Variants in CFAP299 observed in about 807,000 individuals in gnomAD.
CFAP299 encodes cilia and flagella associated protein 299.
CFAP299 carries 21 observed loss-of-function variants against 27.0 expected under a neutral mutation model. The observed-to-expected ratio is 0.78, with a 90% CI of 0.55 to 1.12. CFAP299 has a LOEUF of 1.12. Ranked by LOEUF, CFAP299 falls within the 50% of genes most tolerant of loss-of-function variation. The pLI, the probability that CFAP299 is intolerant of heterozygous loss-of-function variation, is 0.00. For synonymous variants in CFAP299, 104 were observed against 98.1 expected, an observed-to-expected ratio of 1.06 and a Z score of -0.36; for missense variants, 310 against 276.6, an observed-to-expected ratio of 1.12 and a Z score of -0.86.
intron 3 of CFAP299, among the ~76,000 whole-genome samples, chr4:80,586,349 T>A (rs1736438917): frequency 6.6e-6 from 1 of 152,122 alleles, no homozygotes; most frequent in South Asian, 2.1e-4. Context: ...TTGCTGCTAG[T>A]CTTTAAGGAA....
intron 2 of CFAP299, among the ~76,000 whole-genome samples, chr4:80,572,711 G>T (rs1002599065): frequency 1.3e-5 from 2 of 151,508 alleles, no homozygotes; most frequent in African/African-American, 2.4e-5. Flanking sequence ...CAGAGATGGG[G>T]TTTCACCATG....
At chr4:80,945,656 T>A (rs1737435019) in intron 5 of CFAP299, among the ~76,000 whole-genome samples, 1 of 152,108 alleles carries the variant, frequency 6.6e-6, no homozygotes, top group South Asian at 2.1e-4. Context: ...CATGAAAGTG[T>A]CAGTCTAAAA....
intron 3 of CFAP299, among the ~76,000 whole-genome samples, chr4:80,639,001 G>C (rs528156110): frequency 4.6e-4 from 70 of 152,238 alleles, no homozygotes; most frequent in African/African-American, 1.7e-3. Flanking sequence ...CAGAAAGAGA[G>C]AGCAAGATCA....
chr4:80,543,182 A>G (rs1393053480), intron 2 of CFAP299, among the ~76,000 whole-genome samples: 1 of 152,182 alleles, frequency 6.6e-6, no homozygotes, highest in Non-Finnish European at 1.5e-5. Flanking sequence ...TCAAGGCAAT[A>G]ATGATCACAA....
At chr4:80,556,555 C>G (rs72863116) in intron 2 of CFAP299, among the ~76,000 whole-genome samples, 11,657 of 151,968 alleles carry the variant, frequency 0.077, 672 homozygotes, top group East Asian at 0.26. Flanking sequence ...ACAGTACTTC[C>G]TGTATAATTC....
intron 5 of CFAP299, among the ~76,000 whole-genome samples, chr4:80,947,361 A>C (rs1359046661): frequency 1.3e-5 from 2 of 152,194 alleles, no homozygotes; most frequent in African/African-American, 4.8e-5. Flanking sequence ...AAAAATTAAT[A>C]GTAGACTTAT....
At chr4:80,353,798 C>T (rs990887363) in intron 1 of CFAP299, among the ~76,000 whole-genome samples, 1 of 152,026 alleles carries the variant, frequency 6.6e-6, no homozygotes, top group Non-Finnish European at 1.5e-5. Context: ...CTCTAATATA[C>T]TTAAGAATTG....
At chr4:80,580,723 G>C (rs184201364) in intron 2 of CFAP299, among the ~76,000 whole-genome samples, 2 of 151,934 alleles carry the variant, frequency 1.3e-5, no homozygotes, top group African/African-American at 4.8e-5. Context: ...CTGAGCTACT[G>C]TTCACAAATA....
intron 3 of CFAP299, among the ~76,000 whole-genome samples, chr4:80,673,988 G>A (rs1381618995): frequency 2.6e-5 from 4 of 152,018 alleles, no homozygotes; most frequent in African/African-American, 7.3e-5. Flanking sequence ...TTGCCAGTCT[G>A]TGTCTTTTAA....
At chr4:80,335,644 G>C, upstream of CFAP299, 1 of 690,880 alleles carries the variant, frequency 1.4e-6, no homozygotes. Flanking sequence ...AAACCGCCGG[G>C]GGGTGGGATT....
chr4:80,608,861 ATGTG>A (rs33963629), intron 3 of CFAP299, among the ~76,000 whole-genome samples: 100,371 of 146,694 alleles, frequency 0.68, 35,537 homozygotes, highest in East Asian at 0.86. Flanking sequence ...TACACGATGC[ATGTG>A]TGTGTGTGTG....
intron 4 of CFAP299, among the ~76,000 whole-genome samples, chr4:80,886,692 T>C (rs891029988): frequency 6.6e-6 from 1 of 151,962 alleles, no homozygotes; most frequent in Middle Eastern, 3.2e-3. Context: ...TCTACAAGCA[T>C]CAAACCATCC....
rs955714624 is a variant in CFAP299 at position 80,417,479 on chromosome 4, TG to T, written c.242+54597del. ...ATTCAAACACCTCTTACAATATCCC[TG>T]GATGTGAGGTTAAATAGGAGTCCTG... On this transcript the variant is annotated intron_variant, in intron 2 of 5. Transcript: ENST00000358105. 4.5e-4 allele frequency among the ~76,000 whole-genome samples: 69 copies of T among 152,232 alleles called. 1 individual carries two copies. The highest frequency in any genetic ancestry group is 1.6e-3 in the African/African-American group (67 of 41,536).
intron 3 of CFAP299, among the ~76,000 whole-genome samples, chr4:80,792,105 T>A (rs1017092654): frequency 1.3e-5 from 2 of 152,038 alleles, no homozygotes; most frequent in African/African-American, 4.8e-5. Context: ...AATTATCAGA[T>A]AAATTTCTGT....
intron 2 of CFAP299, among the ~76,000 whole-genome samples, chr4:80,407,147 G>T (rs1248336287): frequency 1.3e-5 from 2 of 151,856 alleles, no homozygotes; most frequent in South Asian, 4.1e-4. Flanking sequence ...CAATGTCAAT[G>T]AATGAAAGTA....
At chr4:80,827,860 T>C (rs759608447) in intron 3 of CFAP299, among the ~76,000 whole-genome samples, 1 of 152,026 alleles carries the variant, frequency 6.6e-6, no homozygotes, top group African/African-American at 2.4e-5. Context: ...ACTAGCAAGA[T>C]ACAAAGTCAA....
intron 4 of CFAP299, among the ~76,000 whole-genome samples, chr4:80,919,904 G>T (rs147399402): frequency 9.9e-5 from 15 of 152,152 alleles, no homozygotes; most frequent in Admixed American, 4.6e-4. Flanking sequence ...ATATGGGTTT[G>T]CTTGGATACC....
At chr4:80,510,017 G>A (rs1488966816) in intron 2 of CFAP299, among the ~76,000 whole-genome samples, 2 of 152,024 alleles carry the variant, frequency 1.3e-5, no homozygotes, top group Non-Finnish European at 1.5e-5. Context: ...TTGGAAGAGG[G>A]CTCCATACTT....
In CFAP299 at chr4:80,700,382, A is replaced by G. The variant is rs973822626; in HGVS notation, c.333+117199A>G. 1.2e-4 allele frequency among the ~76,000 whole-genome samples: 19 copies of G among 152,128 alleles called. 1 individual carries two copies. Among genetic ancestry groups the G allele is most frequent in the Non-Finnish European group, 1.0e-4 (7 of 68,012 alleles). On this transcript the variant is annotated intron_variant, in intron 3 of 5. Transcript: ENST00000358105. ...TTAGTTACTGCTGGTTGTACTTTGT[A>G]ATTAATCATAATACTTATTGTTTCA...
Sources: allele counts gnomAD v4.1 joint callset (sites outside exome capture counted in the v4.1 genomes callset), GRCh38; gene constraint gnomAD v4.1.1; transcripts MANE v1.5; gene names NCBI Gene and HGNC (gene_info 2026-07-23, HGNC 2026-07-21).